The following PKNOX1 variants were observed in gnomAD, a reference collection of about 807,000 sequenced individuals.
PKNOX1 encodes the protein homeobox protein PKNOX1.
Under a neutral mutation model 51.9 loss-of-function variants are expected in PKNOX1, and 15 were observed. That is an observed-to-expected ratio of 0.29 (90% CI 0.19 to 0.45). PKNOX1 has a LOEUF of 0.45. Among genes scored for constraint, PKNOX1 ranks in the 20% least tolerant of loss-of-function variants. The pLI is 1.00. For missense variants in PKNOX1, 462 were observed against 547.5 expected (o/e 0.84, Z 1.56); for synonymous variants, 219 against 211.1 (o/e 1.04, Z -0.32).
intron 4 of PKNOX1, among the ~76,000 whole-genome samples, chr21:43,011,742 T>A (rs921083463): frequency 1.3e-5 from 2 of 152,204 alleles, no homozygotes; most frequent in African/African-American, 4.8e-5. Context: ...CTGAATAAAT[T>A]GCTGAGGTCT....
rs367998913 is a variant in PKNOX1 at position 43,011,271 on chromosome 21, G to A, written c.351+1047G>A. 3.1e-3 allele frequency among the ~76,000 whole-genome samples: 467 copies of A among 151,548 alleles called. 2 individuals are homozygous for A. The highest frequency in any genetic ancestry group is 0.01 in the African/African-American group (419 of 41,320). On this transcript the variant is annotated intron_variant, in intron 4 of 10. Coordinates refer to ENST00000291547, the MANE Select transcript of PKNOX1 (RefSeq NM_004571.5). ...TTTTTAGTAGAGACGGGATTTCACC[G>A]TGTTAGCCAGGATAGTCTCGATCTC... is the stretch of plus-strand genomic sequence containing the variant.
chr21:42,993,650 GTTTTTT>G (rs756844153), intron 1 of PKNOX1, among the ~76,000 whole-genome samples: 3 of 20,000 alleles, frequency 1.5e-4, no homozygotes, highest in Non-Finnish European at 2.8e-4. Flanking sequence ...TACCCACTTT[GTTTTTT>G]TTGTTTTTTT....
chr21:42,985,231 CCCT>C (rs1363273273), intron 1 of PKNOX1, among the ~76,000 whole-genome samples: 1 of 151,866 alleles, frequency 6.6e-6, no homozygotes, highest in East Asian at 1.9e-4. Context: ...AGGTGATCCA[CCCT>C]CCTCGGCCTC....
At chr21:43,016,744 G>C (rs1037105690) in intron 5 of PKNOX1, among the ~76,000 whole-genome samples, 164 bp from the exon 6 acceptor site, 4 of 152,174 alleles carry the variant, frequency 2.6e-5, no homozygotes, top group Admixed American at 6.6e-5. Flanking sequence ...CTTGCTTTCC[G>C]TGTGTGCTGC....
chr21:43,016,479 C>T (rs1478551556), intron 5 of PKNOX1, among the ~76,000 whole-genome samples: 12 of 152,346 alleles, frequency 7.9e-5, no homozygotes, highest in Admixed American at 7.2e-4. Flanking sequence ...CTTCTAGTGC[C>T]TCCCAGGCCT....
intron 9 of PKNOX1, among the ~76,000 whole-genome samples, chr21:43,025,323 T>C (rs1481595958): frequency 1.3e-5 from 2 of 152,230 alleles, no homozygotes; most frequent in Non-Finnish European, 2.9e-5. Context: ...TCTAGGGTGC[T>C]ACTGTCCCCA....
intron 1 of PKNOX1, among the ~76,000 whole-genome samples, chr21:42,997,792 T>C (rs1978573802): frequency 6.6e-6 from 1 of 152,172 alleles, no homozygotes; most frequent in Admixed American, 6.5e-5. Flanking sequence ...CAGAGGGAAG[T>C]GTGTCTGGGC....
intron 1 of PKNOX1, among the ~76,000 whole-genome samples, chr21:42,998,794 G>A (rs1485173305): frequency 5.3e-5 from 8 of 152,142 alleles, no homozygotes; most frequent in East Asian, 1.9e-4. Flanking sequence ...GGGCATCTCC[G>A]CCCCTGTGGC....
Position 43,021,358 on chromosome 21 carries a change from C to G in PKNOX1, c.776C>G (p.Ser259Cys), listed in dbSNP as rs1352666001. The G allele has an allele frequency of 6.2e-7, 1 of 1,613,368 alleles. No individual in the cohort carries two copies. The highest frequency in any genetic ancestry group is 2.2e-5 in the East Asian group (1 of 44,854). Residue 259 changes from serine (S) to cysteine (C), a missense_variant, in exon 8 of 11, where the codon TCT becomes TGT. Coordinates refer to ENST00000291547, the MANE Select transcript of PKNOX1 (RefSeq NM_004571.5). This position sits in a 1 kb window ranked among gnomAD's most constrained non-coding sequence, Gnocchi z 4.6. ...ATCTTGCATCAAGATGATGGTTCAT[C>G]TAAGAACAAGAGGGGCGTCCTGCCA... ...LSILHQDDGS[S>C]KNKRGVLPKH...
chr21:43,014,121 A>T (rs1253714363), intron 5 of PKNOX1, among the ~76,000 whole-genome samples: 1 of 146,544 alleles, frequency 6.8e-6, no homozygotes, highest in African/African-American at 2.6e-5. Context: ...TCCTGGGTTC[A>T]TGCCATTCTC....
chr21:43,029,599 T>G (rs1188826701), intron 10 of PKNOX1, among the ~76,000 whole-genome samples: 1 of 150,954 alleles, frequency 6.6e-6, no homozygotes, highest in South Asian at 2.1e-4. Flanking sequence ...GCCCGGCTAA[T>G]TTTTTGTATT....
At chr21:42,977,888 A>G (rs2059005729) in intron 1 of PKNOX1, among the ~76,000 whole-genome samples, 1 of 152,012 alleles carries the variant, frequency 6.6e-6, no homozygotes, top group African/African-American at 2.4e-5. Context: ...CAGCCTTCAT[A>G]GAATTGAAGA....
At chr21:43,014,541 A>G (rs777467488) in intron 5 of PKNOX1, among the ~76,000 whole-genome samples, 23 of 152,022 alleles carry the variant, frequency 1.5e-4, no homozygotes, top group African/African-American at 4.1e-4. Flanking sequence ...CCTTTTATGG[A>G]TCATTCTTTT....
chr21:43,028,487 G>A, intron 9 of PKNOX1: 1 of 567,960 alleles, frequency 1.8e-6, no homozygotes, highest in Non-Finnish European at 3.1e-6. Flanking sequence ...GTGCTTATTT[G>A]CATGATTTTT....
intron 1 of PKNOX1, among the ~76,000 whole-genome samples, chr21:42,976,615 A>T (rs781731589): frequency 6.6e-6 from 1 of 152,242 alleles, no homozygotes. Context: ...CACAATGTGC[A>T]CAGCGTCTTC....
chr21:43,027,580 A>G (rs1169872633), intron 9 of PKNOX1, among the ~76,000 whole-genome samples: 6 of 152,196 alleles, frequency 3.9e-5, no homozygotes, highest in Admixed American at 2.0e-4. Flanking sequence ...TGAGATTGCT[A>G]TCATACTCAT....
intron 1 of PKNOX1, among the ~76,000 whole-genome samples, chr21:42,981,719 C>T (rs1485466281): frequency 1.3e-5 from 2 of 152,152 alleles, no homozygotes; most frequent in Non-Finnish European, 2.9e-5. Context: ...GTCATCACAC[C>T]CAGCTAATTG....
At chr21:43,001,885 G>C (rs1254616694) in intron 1 of PKNOX1, among the ~76,000 whole-genome samples, 1 of 152,048 alleles carries the variant, frequency 6.6e-6, no homozygotes, top group Non-Finnish European at 1.5e-5. Flanking sequence ...GTGTGAACCT[G>C]GGAGATGGAG....
At chr21:42,999,864 A>G (rs879283635) in intron 1 of PKNOX1, among the ~76,000 whole-genome samples, 2 of 152,214 alleles carry the variant, frequency 1.3e-5, no homozygotes, top group African/African-American at 2.4e-5. Context: ...AATGCTTTCA[A>G]TAGCACCCAA....
Sources: gnomAD v4.1 joint callset for allele counts (sites outside exome capture counted in the v4.1 genomes callset) on GRCh38, gnomAD v4.1.1 for gene constraint, Gnocchi (gnomAD v3.1) non-coding constraint, MANE v1.5 for transcripts, NCBI Gene and HGNC (gene_info 2026-07-23, HGNC 2026-07-21) for gene names.